ARHGEF9: variants seen among roughly 807,000 people sequenced by gnomAD.
ARHGEF9 encodes the protein rho guanine nucleotide exchange factor 9.
Under a neutral mutation model 41.3 loss-of-function variants are expected in ARHGEF9, and 2 were observed. That is an observed-to-expected ratio of 0.05 (90% CI 0.02 to 0.15). The LOEUF (loss-of-function observed/expected upper bound fraction) is 0.15. ARHGEF9 is among the 10% of genes least tolerant of loss of function. The pLI is 1.00. For missense variants in ARHGEF9, 225 were observed against 424.7 expected, an observed-to-expected ratio of 0.53 and a Z score of 4.13; for synonymous variants, 160 against 154.4, an observed-to-expected ratio of 1.04 and a Z score of -0.27.
At chrX:63,684,519 C>T (rs2050857843) in intron 4 of ARHGEF9, among the ~76,000 whole-genome samples, 2 of 111,047 alleles carry the variant, frequency 1.8e-5, no homozygotes, top group Admixed American at 1.9e-4. Flanking sequence ...AGTAATCCCT[C>T]TTTTGAGTAT....
intron 7 of ARHGEF9, among the ~76,000 whole-genome samples, chrX:63,662,240 T>G (rs2049268990): frequency 8.9e-6 from 1 of 111,891 alleles, no homozygotes; most frequent in South Asian, 3.7e-4. Flanking sequence ...AATCATATAG[T>G]TAGCGAGTGT....
At chrX:63,680,982 C>G (rs1556368592) in intron 4 of ARHGEF9, among the ~76,000 whole-genome samples, 1 of 111,041 alleles carries the variant, frequency 9.0e-6, no homozygotes, top group African/African-American at 3.3e-5. Flanking sequence ...TTACTATAGC[C>G]CAGTGGGAAG....
Position 63,735,750 on chromosome X carries a change from C to G in ARHGEF9, c.31-11039G>C, listed in dbSNP as rs782283693. 1.1e-4 allele frequency among the ~76,000 whole-genome samples: 12 copies of G among 111,967 alleles called. No individual in the cohort carries two copies. The South Asian group carries it at 4.2e-3, about 39-fold the overall frequency. On this transcript the variant is annotated intron_variant, in intron 1 of 9. Transcript: ENST00000671741. ...CTACTGAGCATGCCCAGCAAGGACA[C>G]AGGCTTGCAAAAACTCTAGACCTTG...
chrX:63,726,487 C>T (rs781871695), intron 1 of ARHGEF9, among the ~76,000 whole-genome samples: 1 of 111,430 alleles, frequency 9.0e-6, no homozygotes, highest in Non-Finnish European at 1.9e-5. Context: ...TACAGGCGCA[C>T]GCCACCATGC....
chrX:63,672,834 T>C (rs1235526525), intron 6 of ARHGEF9, among the ~76,000 whole-genome samples: 8 of 111,872 alleles, frequency 7.2e-5, no homozygotes, highest in African/African-American at 2.6e-4. Context: ...TCCAGCTCTC[T>C]GCCTTTAATC....
Position 63,646,904 on chromosome X carries a change from A to C in ARHGEF9, c.1322-2856T>G, listed in dbSNP as rs2048128986. Among the ~76,000 whole-genome samples, 3 of 110,932 alleles carry C rather than the reference A, an allele frequency of 2.7e-5. No homozygotes were observed. In the South Asian group the frequency reaches 1.1e-3, roughly 43 times the overall value. Reference sequence around the variant, plus strand: ...ACTTGTTTGTATCCTCTTTTATTTCATTGAGCAGTGGTTTGTAGTTGTCCT... The same window carrying C: ...ACTTGTTTGTATCCTCTTTTATTTCCTTGAGCAGTGGTTTGTAGTTGTCCT... On this transcript the variant is annotated intron_variant, in intron 8 of 9. Coordinates refer to ENST00000671741, the MANE Select transcript of ARHGEF9 (RefSeq NM_001353921.2).
At chrX:63,704,668 C>T (rs184524303) in intron 3 of ARHGEF9, among the ~76,000 whole-genome samples, 1 of 112,579 alleles carries the variant, frequency 8.9e-6, no homozygotes, top group East Asian at 2.8e-4. Flanking sequence ...ATTCTATTTA[C>T]TTAATTTCCT....
At chrX:63,711,025 A>G (rs1358237016) in intron 2 of ARHGEF9, among the ~76,000 whole-genome samples, 2 of 111,874 alleles carry the variant, frequency 1.8e-5, no homozygotes, top group African/African-American at 6.5e-5. Flanking sequence ...TATACTAGCA[A>G]TGAACAATCT....
chrX:63,755,402 T>G (rs2055898799), intron 1 of ARHGEF9: 1 of 319,456 alleles, frequency 3.1e-6, no homozygotes, highest in African/African-American at 2.9e-5. Context: ...ATAGAGGGGG[T>G]ATATAAGGAG....
intron 1 of ARHGEF9, among the ~76,000 whole-genome samples, chrX:63,748,198 A>C (rs782400361): frequency 2.7e-5 from 3 of 111,795 alleles, no homozygotes; most frequent in South Asian, 3.8e-4. Flanking sequence ...ACAAGTCCCA[A>C]CTCCAAGAGG....
intron 1 of ARHGEF9, among the ~76,000 whole-genome samples, chrX:63,741,459 C>T (rs2054941047): frequency 8.9e-6 from 1 of 112,721 alleles, no homozygotes; most frequent in African/African-American, 3.2e-5. Flanking sequence ...TGACAGCTGG[C>T]TGGCCCTAAG....
At chrX:63,689,649 G>A (rs1429536935) in intron 4 of ARHGEF9, among the ~76,000 whole-genome samples, 1 of 112,090 alleles carries the variant, frequency 8.9e-6, no homozygotes, top group Non-Finnish European at 1.9e-5. Context: ...CCAAATGTAC[G>A]TAACTGAAAA....
At chrX:63,767,381 G>T in intron 1 of ARHGEF9, 2 of 492,212 alleles carry the variant, frequency 4.1e-6, no homozygotes, top group South Asian at 2.4e-5. Context: ...AGAAGTTACT[G>T]GGAGCTGCTA....
intron 1 of ARHGEF9, among the ~76,000 whole-genome samples, chrX:63,764,860 G>T (rs781830541): frequency 2.7e-5 from 3 of 111,504 alleles, no homozygotes; most frequent in Non-Finnish European, 3.8e-5. Flanking sequence ...AATGGATGCT[G>T]GGCTTAATAC....
In ARHGEF9 at chrX:63,731,829, G is replaced by C. The variant is rs2054315916; in HGVS notation, c.31-7118C>G. Among the ~76,000 whole-genome samples, 3 of 110,956 alleles carry C rather than the reference G, an allele frequency of 2.7e-5. No individual in the cohort carries two copies. The Admixed American group carries it at 2.9e-4, about 11-fold the overall frequency. Reference sequence around the variant, plus strand: ...GCCTGCCTTGGCCTCCCAAAGTGCTGGGACTACAGGCGTGAGCCACCGCAC... The same window carrying C: ...GCCTGCCTTGGCCTCCCAAAGTGCTCGGACTACAGGCGTGAGCCACCGCAC... On this transcript the variant is annotated intron_variant, in intron 1 of 9. Coordinates refer to ENST00000671741, the MANE Select transcript of ARHGEF9 (RefSeq NM_001353921.2).
chrX:63,777,480 A>G (rs1231487328), intron 1 of ARHGEF9, among the ~76,000 whole-genome samples: 4 of 111,307 alleles, frequency 3.6e-5, no homozygotes, highest in South Asian at 7.8e-4. Context: ...ACATTTCAGA[A>G]CACAATCATG....
intron 1 of ARHGEF9, 181 bp from the exon 2 acceptor site, chrX:63,724,892 ACT>A (rs2053864660): frequency 8.5e-6 from 4 of 470,797 alleles, no homozygotes; most frequent in Non-Finnish European, 3.7e-6. Context: ...AATACTGTCA[ACT>A]CTCTGTTAGC....
chrX:63,722,969 T>C (rs2053727005), intron 2 of ARHGEF9: 1 of 111,647 alleles, frequency 9.0e-6, no homozygotes, highest in Non-Finnish European at 1.9e-5. Flanking sequence ...GGTAATTTTG[T>C]CCATTCCTCT....
intron 7 of ARHGEF9, chrX:63,656,519 T>A (rs1182881209): frequency 1.8e-5 from 2 of 111,540 alleles, no homozygotes; most frequent in African/African-American, 6.5e-5. Context: ...CTTATTTTAA[T>A]AATATAAAGT....
Sources: gnomAD v4.1 joint callset for allele counts (sites outside exome capture counted in the v4.1 genomes callset) on GRCh38, gnomAD v4.1.1 for gene constraint, MANE v1.5 for transcripts, NCBI Gene and HGNC (gene_info 2026-07-23, HGNC 2026-07-21) for gene names.